Variants in RPS6KA5 observed in about 807,000 individuals in gnomAD.
RPS6KA5 encodes ribosomal protein S6 kinase A5.
RPS6KA5 carries 27 observed loss-of-function variants against 85.5 expected under a neutral mutation model. That is an observed-to-expected ratio of 0.32 (90% CI 0.23 to 0.44). The LOEUF is 0.44. Among genes scored for constraint, RPS6KA5 ranks in the 20% least tolerant of loss-of-function variants. The pLI, the probability that RPS6KA5 is intolerant of heterozygous loss-of-function variation, is 1.00. For synonymous variants in RPS6KA5, 334 were observed against 348.2 expected (o/e 0.96, Z 0.46); for missense variants, 811 against 980.9 (o/e 0.83, Z 2.31).
intron 7 of RPS6KA5, among the ~76,000 whole-genome samples, chr14:90,906,998 ATAAGATGG>A (rs2140248675): frequency 6.6e-6 from 1 of 152,358 alleles, no homozygotes; most frequent in Admixed American, 6.5e-5. Context: ...AAATAAAAAC[ATAAGATGG>A]TAATAAAGTT....
At chr14:90,918,814 C>T (rs1769885949) in intron 7 of RPS6KA5, among the ~76,000 whole-genome samples, 1 of 152,148 alleles carries the variant, frequency 6.6e-6, no homozygotes, top group African/African-American at 2.4e-5. Flanking sequence ...AAATCATTTG[C>T]CATTGATCAT....
chr14:90,902,942 T>C lies in RPS6KA5; in HGVS notation c.985A>G (p.Lys329Glu). The C allele has an allele frequency of 6.2e-7, 1 of 1,612,892 alleles. No homozygotes were observed. Among genetic ancestry groups the C allele is most frequent in the Non-Finnish European group, 8.5e-7 (1 of 1,179,364 alleles). Residue 329 changes from lysine (K) to glutamate (E), a missense_variant, in exon 9 of 17, where the codon AAA becomes GAA. Lys to Glu is a moderately conservative substitution (Grantham distance 56). Coordinates refer to ENST00000614987, the MANE Select transcript of RPS6KA5 (RefSeq NM_004755.4). ...GGCTTAAATGGTGCAGGCACTTTTT[T>C]GGCGGCTAAATCATCCCAATTTATT... ...QKINWDDLAA[K>E]KVPAPFKPVI... is the part of the protein sequence containing the mutation.
chr14:90,854,874 CAT>C lies in RPS6KA5; in HGVS notation c.*17198_*17199del, dbSNP rs1247755486. ...CCTTCAAAATGTTTACCATTCAAAA[CAT>C]ATAAAAAGCACTGACTTTATTGTAC... On this transcript the variant is annotated 3_prime_UTR_variant, in exon 17 of 17. Transcript: ENST00000614987. The C allele has an allele frequency of 1.3e-5, 2 of 152,128 alleles. No homozygotes were observed. The highest frequency in any genetic ancestry group is 6.5e-5 in the Admixed American group (1 of 15,268). 9.4% of individuals were successfully genotyped at this position (152,128 alleles called of 1,614,324 possible). A position where few individuals can be genotyped will look rare whatever the true frequency, so the allele number is the denominator to read the frequency against.
chr14:91,058,502 A>C (rs1468145972), intron 1 of RPS6KA5, among the ~76,000 whole-genome samples: 4 of 152,256 alleles, frequency 2.6e-5, no homozygotes, highest in Non-Finnish European at 5.9e-5. Flanking sequence ...ATGGCTGAGA[A>C]GCATATGACT....
At chr14:90,914,440 G>A (rs1175138898) in intron 7 of RPS6KA5, among the ~76,000 whole-genome samples, 1 of 147,472 alleles carries the variant, frequency 6.8e-6, no homozygotes, top group East Asian at 2.1e-4. Flanking sequence ...TCAGCCTCCT[G>A]AGTAGCTGGA....
intron 14 of RPS6KA5, among the ~76,000 whole-genome samples, chr14:90,889,959 A>T (rs1478332099): frequency 1.3e-5 from 2 of 152,218 alleles, no homozygotes; most frequent in Non-Finnish European, 2.9e-5. Context: ...AAAAAAACAC[A>T]AGATTTTTCT....
Position 91,029,816 on chromosome 14 carries a change from G to A in RPS6KA5, c.104-28657C>T, listed in dbSNP as rs72697559. Among the ~76,000 whole-genome samples, 1,352 of 152,216 alleles carry A rather than the reference G, an allele frequency of 8.9e-3. 12 individuals carry two copies. Among genetic ancestry groups the A allele is most frequent in the Non-Finnish European group, 0.014 (929 of 68,016 alleles). ...AGTATATAGTAATTATACAATATAT[G>A]TACATTATATTGCTATAATTCATTA... is the stretch of plus-strand genomic sequence containing the variant. On this transcript the variant is annotated intron_variant, in intron 1 of 16. Coordinates refer to ENST00000614987, the MANE Select transcript of RPS6KA5 (RefSeq NM_004755.4).
intron 1 of RPS6KA5, chr14:91,052,452 T>C: frequency 5.6e-6 from 1 of 179,130 alleles, no homozygotes; most frequent in Non-Finnish European, 1.1e-5. Context: ...GGCAACAGAG[T>C]AGACTCGTCT....
chr14:90,964,503 A>G (rs181983567), intron 3 of RPS6KA5, among the ~76,000 whole-genome samples: 11 of 152,362 alleles, frequency 7.2e-5, no homozygotes, highest in Admixed American at 7.2e-4. Flanking sequence ...TCTGGCCTAC[A>G]GACAACCTTA....
intron 16 of RPS6KA5, among the ~76,000 whole-genome samples, chr14:90,872,727 C>T (rs978477998): frequency 2.0e-5 from 3 of 152,142 alleles, no homozygotes; most frequent in Admixed American, 6.6e-5. Context: ...GCAGACTTGA[C>T]GCATTCTGAG....
intron 9 of RPS6KA5, 48 bp downstream of exon 9, chr14:90,902,760 T>C (rs1218001511): frequency 7.2e-6 from 11 of 1,531,914 alleles, no homozygotes; most frequent in Non-Finnish European, 9.7e-6. Flanking sequence ...AATCTTTTCT[T>C]TCAAAGGACA....
chr14:90,868,804 T>TA lies in RPS6KA5; in HGVS notation c.*3269dup, dbSNP rs1173927581. ...AGATACAAAAGGAATTTCCTTACTT[T>TA]AAAAAAAGTGACTTCTATCTTAGTA... On this transcript the variant is annotated 3_prime_UTR_variant, in exon 17 of 17. Transcript: ENST00000614987. The TA allele has an allele frequency of 6.6e-6, 1 of 152,202 alleles. No individual in the cohort carries two copies. The highest frequency in any genetic ancestry group is 2.4e-5 in the African/African-American group (1 of 41,446). 9.4% of individuals were successfully genotyped at this position (152,202 alleles called of 1,614,324 possible). A position where few individuals can be genotyped will look rare whatever the true frequency, so the allele number is the denominator to read the frequency against.
intron 3 of RPS6KA5, among the ~76,000 whole-genome samples, chr14:90,950,600 T>C (rs1710599461): frequency 1.3e-5 from 2 of 152,172 alleles, no homozygotes; most frequent in African/African-American, 2.4e-5. Flanking sequence ...TATGAAGGAG[T>C]TGAATTTTGG....
chr14:90,973,333 C>T (rs996026433), intron 3 of RPS6KA5, among the ~76,000 whole-genome samples: 2 of 151,944 alleles, frequency 1.3e-5, no homozygotes, highest in Non-Finnish European at 2.9e-5. Context: ...GTCCCAGCTA[C>T]TCAGGAGGCT....
At chr14:90,902,077 G>C (rs1450775001) in intron 9 of RPS6KA5, among the ~76,000 whole-genome samples, 3 of 151,778 alleles carry the variant, frequency 2.0e-5, no homozygotes, top group African/African-American at 7.3e-5. Context: ...CTATTCAGGA[G>C]GCTGAGGCAA....
intron 3 of RPS6KA5, among the ~76,000 whole-genome samples, chr14:90,972,430 A>G (rs754284238): frequency 8.5e-5 from 13 of 152,226 alleles, no homozygotes; most frequent in Non-Finnish European, 1.9e-4. Context: ...TTAACAAACC[A>G]AACAGAAAAA....
intron 14 of RPS6KA5, among the ~76,000 whole-genome samples, chr14:90,886,504 G>C (rs561744728): frequency 2.0e-5 from 3 of 152,254 alleles, no homozygotes; most frequent in Admixed American, 2.0e-4. Context: ...GTTAAATGAG[G>C]TTATACGGGT....
At chr14:91,012,016 T>C (rs187957992) in intron 1 of RPS6KA5, among the ~76,000 whole-genome samples, 1 of 152,366 alleles carries the variant, frequency 6.6e-6, no homozygotes, top group Admixed American at 6.5e-5. Flanking sequence ...TTATTATAAA[T>C]GATCTACAGA....
At chr14:91,025,134 C>T (rs561602031) in intron 1 of RPS6KA5, among the ~76,000 whole-genome samples, 3 of 151,922 alleles carry the variant, frequency 2.0e-5, no homozygotes, top group South Asian at 2.1e-4. Context: ...AACCTCAGCC[C>T]CCAGGGTTCA....
Sources: allele counts gnomAD v4.1 joint callset (sites outside exome capture counted in the v4.1 genomes callset), GRCh38; gene constraint gnomAD v4.1.1; transcripts MANE v1.5; gene names NCBI Gene and HGNC (gene_info 2026-07-23, HGNC 2026-07-21).